Variants in TXNL1 observed in about 807,000 individuals in gnomAD.
TXNL1 encodes thioredoxin like 1.
A neutral mutation model predicts 35.5 loss-of-function variants in TXNL1; 14 were observed. The ratio of observed to expected loss-of-function variants is 0.39; its 90% CI spans 0.26 to 0.62. The LOEUF (loss-of-function observed/expected upper bound fraction) is 0.62. Ranked by LOEUF, TXNL1 falls within the 20% of genes least tolerant of loss-of-function variation. TXNL1 has a pLI of 0.47. For missense variants in TXNL1, 263 were observed against 349.7 expected (o/e 0.75, Z 1.98); for synonymous variants, 110 against 115.5 (o/e 0.95, Z 0.31).
intron 3 of TXNL1, among the ~76,000 whole-genome samples, chr18:56,618,400 T>A (rs1177251461): frequency 2.0e-5 from 3 of 152,156 alleles, no homozygotes; most frequent in Non-Finnish European, 4.4e-5. Flanking sequence ...AAAATAAGTG[T>A]TTTACAGAAG....
chr18:56,626,552 G>A (rs1032397068), intron 1 of TXNL1, 95 bp from the exon 2 acceptor site: 116 of 1,078,494 alleles, frequency 1.1e-4, no homozygotes, highest in Non-Finnish European at 2.4e-5. Flanking sequence ...CACTGATACT[G>A]CTGGCTTTTG....
chr18:56,609,300 G>T (rs2023952881), intron 7 of TXNL1: 1 of 152,104 alleles, frequency 6.6e-6, no homozygotes, highest in Admixed American at 6.5e-5. Context: ...AACAAAAAAG[G>T]TCTTACACCT....
intron 6 of TXNL1, among the ~76,000 whole-genome samples, chr18:56,613,348 A>G (rs2024027665): frequency 6.6e-6 from 1 of 152,118 alleles, no homozygotes; most frequent in Non-Finnish European, 1.5e-5. Flanking sequence ...ATTCTTTTCT[A>G]ACTGTCCTAC....
intron 1 of TXNL1, among the ~76,000 whole-genome samples, chr18:56,638,139 G>A (rs1049475102): frequency 6.6e-6 from 1 of 152,212 alleles, no homozygotes; most frequent in Non-Finnish European, 1.5e-5. Flanking sequence ...CGGCCAGCCA[G>A]GCCCCCGAGC....
In TXNL1 at chr18:56,610,888, T is replaced by C. The variant is rs113092103; in HGVS notation, c.840+105A>G. On this transcript the variant is annotated intron_variant, in intron 7 of 7. Coordinates refer to ENST00000217515, the MANE Select transcript of TXNL1 (RefSeq NM_004786.3). ...TGTAAAATTTCATGACATGATATAATTTTGAATTATTTTGTTAAAAGAAAG... is the reference window on the plus strand; with the variant it reads ...TGTAAAATTTCATGACATGATATAACTTTGAATTATTTTGTTAAAAGAAAG... The C allele has an allele frequency of 7.8e-3, 5,626 of 720,568 alleles. 226 individuals carry two copies. The African/African-American group carries it at 0.089, about 11-fold the overall frequency. The allele number at this position is 720,568 out of a possible 1,614,324, so 44.6% of individuals were successfully genotyped here.
At chr18:56,631,439 C>T (rs530078485) in intron 1 of TXNL1, among the ~76,000 whole-genome samples, 1 of 151,836 alleles carries the variant, frequency 6.6e-6, no homozygotes, top group South Asian at 2.1e-4. Flanking sequence ...GCAAAAGGTT[C>T]AAGAGATCAC....
Position 56,638,325 on chromosome 18 carries a change from G to T in TXNL1, c.98+18C>A, listed in dbSNP as rs1216344705. ...GGAAGGACAGACGGGGACCCACAGA[G>T]CTCGAGCCTGGCCTCACCCTCTCAT... On this transcript the variant is annotated intron_variant, in intron 1 of 7. Coordinates refer to ENST00000217515, the MANE Select transcript of TXNL1 (RefSeq NM_004786.3). The T allele has an allele frequency of 1.2e-5, 20 of 1,601,844 alleles. No individual in the cohort carries two copies. Among genetic ancestry groups the T allele is most frequent in the Non-Finnish European group, 1.7e-5 (20 of 1,172,184 alleles).
chr18:56,610,828 T>G (rs1441714267), intron 7 of TXNL1, 165 bp downstream of exon 7: 1 of 464,608 alleles, frequency 2.2e-6, no homozygotes, highest in African/African-American at 2.1e-5. Flanking sequence ...TATCTAAAAA[T>G]ATAGTTAGGG....
chr18:56,637,771 G>A (rs2024479544), intron 1 of TXNL1, among the ~76,000 whole-genome samples: 1 of 152,112 alleles, frequency 6.6e-6, no homozygotes, highest in South Asian at 2.1e-4. Flanking sequence ...GAACGAGGAA[G>A]AAAAAAGTTC....
chr18:56,619,573 A>G (rs1259312298), intron 3 of TXNL1, among the ~76,000 whole-genome samples: 1 of 151,280 alleles, frequency 6.6e-6, no homozygotes, highest in Non-Finnish European at 1.5e-5. Flanking sequence ...GTATTTGGTT[A>G]ATATGTCTCT....
chr18:56,615,942 C>G (rs544651941), intron 5 of TXNL1, among the ~76,000 whole-genome samples: 182 of 151,878 alleles, frequency 1.2e-3, no homozygotes, highest in Non-Finnish European at 2.0e-3. Flanking sequence ...ACAGCCTGGC[C>G]AACAGATGGT....
In TXNL1 at chr18:56,638,503, G is replaced by A. The variant is rs1178560617; in HGVS notation, c.-63C>T. The stretch of plus-strand genomic sequence containing the variant: ...TGGCTTTGAAACTGAAGGAGAAGAC[G>A]ATCTGGGAGAGGAAGGAGAGATGCT... On this transcript the variant is annotated 5_prime_UTR_variant, in exon 1 of 8. Transcript: ENST00000217515. The A allele has an allele frequency of 1.3e-6, 2 of 1,514,320 alleles. No homozygotes were observed. The highest frequency in any genetic ancestry group is 1.2e-5 in the South Asian group (1 of 84,936). 93.8% of individuals were successfully genotyped at this position (1,514,320 alleles called of 1,614,324 possible). A position where few individuals can be genotyped will look rare whatever the true frequency, so the allele number is the denominator to read the frequency against.
intron 7 of TXNL1, 67 bp downstream of exon 7, chr18:56,610,926 G>T: frequency 9.8e-7 from 1 of 1,024,516 alleles, no homozygotes; most frequent in Non-Finnish European, 1.4e-6. Context: ...TGACAGTTGA[G>T]ATACATGAAA....
chr18:56,638,057 G>A (rs780054135), intron 1 of TXNL1, among the ~76,000 whole-genome samples: 16 of 152,180 alleles, frequency 1.1e-4, no homozygotes, highest in East Asian at 1.9e-4. Flanking sequence ...GAATAGGGGC[G>A]GGCCACCCCC....
At chr18:56,624,758 C>T (rs1356493613) in intron 2 of TXNL1, among the ~76,000 whole-genome samples, 1 of 151,944 alleles carries the variant, frequency 6.6e-6, no homozygotes, top group Admixed American at 6.6e-5. Flanking sequence ...TGCTTAATGC[C>T]AGACAGATCT....
intron 1 of TXNL1, among the ~76,000 whole-genome samples, chr18:56,633,386 G>C (rs1640720): frequency 2.0e-5 from 3 of 147,368 alleles, no homozygotes; most frequent in African/African-American, 7.5e-5. Flanking sequence ...GGTGGAGCTT[G>C]CAGTGAGCTG....
Position 56,626,355 on chromosome 18 carries a change from C to T in TXNL1, c.195+6G>A, listed in dbSNP as rs368100870. The T allele has an allele frequency of 3.1e-6, 5 of 1,598,200 alleles. No homozygotes were observed. The highest frequency in any genetic ancestry group is 1.8e-5 in the Admixed American group (1 of 54,754). On this transcript the variant is annotated splice_donor_region_variant and intron_variant, in intron 2 of 7. Coordinates refer to ENST00000217515, the MANE Select transcript of TXNL1 (RefSeq NM_004786.3). ...ATTAAAAAGAAAAAAGATTCCTTTC[C>T]CTTACCTGACACTGATGTACATCGA...
At chr18:56,621,930 G>C (rs1218189032) in intron 3 of TXNL1, among the ~76,000 whole-genome samples, 1 of 151,144 alleles carries the variant, frequency 6.6e-6, no homozygotes, top group Non-Finnish European at 1.5e-5. Flanking sequence ...CGAGCGGCAG[G>C]GGCAGGGGCC....
chr18:56,605,600 T>A (rs1216589222), intron 7 of TXNL1, among the ~76,000 whole-genome samples: 3 of 152,198 alleles, frequency 2.0e-5, no homozygotes, highest in Non-Finnish European at 4.4e-5. Context: ...AAAGAGCATA[T>A]TTTAGCAAAA....
Sources: allele counts gnomAD v4.1 joint callset (sites outside exome capture counted in the v4.1 genomes callset), GRCh38; gene constraint gnomAD v4.1.1; transcripts MANE v1.5; gene names NCBI Gene and HGNC (gene_info 2026-07-23, HGNC 2026-07-21).